The following GABRG3 variants were observed in gnomAD, a reference collection of about 807,000 sequenced individuals.
GABRG3 encodes gamma-aminobutyric acid receptor subunit gamma-3.
GABRG3 carries 25 observed loss-of-function variants against 48.8 expected under a neutral mutation model. That is an observed-to-expected ratio of 0.51 (90% CI 0.37 to 0.72). GABRG3 has a LOEUF of 0.72. GABRG3 is among the 30% of genes least tolerant of loss of function. The probability of loss-of-function intolerance (pLI) is 0.00; values close to 1 mark genes in which losing one functional copy is unlikely to be tolerated. For missense variants in GABRG3, 394 were observed against 577.9 expected, an observed-to-expected ratio of 0.68 and a Z score of 3.26; for synonymous variants, 227 against 217.6, an observed-to-expected ratio of 1.04 and a Z score of -0.38.
intron 3 of GABRG3, among the ~76,000 whole-genome samples, chr15:27,254,458 C>T (rs1348818791): frequency 2.0e-5 from 3 of 152,022 alleles, no homozygotes; most frequent in Non-Finnish European, 2.9e-5. Context: ...TTGTCTTAGT[C>T]TTTTGGGCTG....
At chr15:27,114,259 C>T (rs988697036) in intron 3 of GABRG3, among the ~76,000 whole-genome samples, 1 of 152,154 alleles carries the variant, frequency 6.6e-6, no homozygotes, top group Non-Finnish European at 1.5e-5. Context: ...TTCCAGATCC[C>T]CTGGGGGTAC....
chr15:27,318,385 C>A (rs1893304164), intron 3 of GABRG3, among the ~76,000 whole-genome samples: 1 of 152,044 alleles, frequency 6.6e-6, no homozygotes, highest in South Asian at 2.1e-4. Context: ...ACTAAGGGTC[C>A]CCTCAGATGG....
intron 5 of GABRG3, among the ~76,000 whole-genome samples, chr15:27,359,567 A>G (rs1195444115): frequency 6.6e-6 from 1 of 152,250 alleles, no homozygotes; most frequent in Non-Finnish European, 1.5e-5. Context: ...TTTGAAGCTA[A>G]GGAAACAAAC....
intron 3 of GABRG3, among the ~76,000 whole-genome samples, chr15:27,038,846 G>A (rs1039751398): frequency 6.6e-6 from 1 of 152,154 alleles, no homozygotes; most frequent in Non-Finnish European, 1.5e-5. Context: ...GCAAAGAACT[G>A]TCAGGAAGAA....
chr15:27,005,463 T>C (rs2140661959), intron 2 of GABRG3, among the ~76,000 whole-genome samples: 1 of 152,338 alleles, frequency 6.6e-6, no homozygotes, highest in East Asian at 1.9e-4. Context: ...AAAAAGAAAT[T>C]GTGAGACCTT....
intron 3 of GABRG3, among the ~76,000 whole-genome samples, chr15:27,283,333 G>A (rs527805470): frequency 1.3e-5 from 2 of 152,328 alleles, no homozygotes; most frequent in East Asian, 1.9e-4. Flanking sequence ...GCCGGGCACG[G>A]TGGCTCATGC....
chr15:26,977,267 T>G (rs1406232474), intron 2 of GABRG3, 117 bp downstream of exon 2: 5 of 1,070,198 alleles, frequency 4.7e-6, no homozygotes, highest in Non-Finnish European at 6.8e-6. Flanking sequence ...AAAGGTTTCC[T>G]GTACTTGTCA....
chr15:27,195,245 A>G (rs543171126), intron 3 of GABRG3, among the ~76,000 whole-genome samples: 6 of 152,304 alleles, frequency 3.9e-5, no homozygotes, highest in South Asian at 2.1e-4. Flanking sequence ...GCATCTGTCA[A>G]TCTTCTTTTC....
chr15:27,315,232 C>T (rs1893171803), intron 3 of GABRG3, among the ~76,000 whole-genome samples: 1 of 152,158 alleles, frequency 6.6e-6, no homozygotes. Flanking sequence ...TAAGTGATAA[C>T]AGATTAGCAT....
chr15:27,370,167 C>T (rs546419623), intron 5 of GABRG3, among the ~76,000 whole-genome samples: 219 of 152,340 alleles, frequency 1.4e-3, no homozygotes, highest in Middle Eastern at 6.8e-3. Context: ...CACTTATCAT[C>T]TCAGGTCCTC....
intron 3 of GABRG3, among the ~76,000 whole-genome samples, chr15:27,237,698 T>C (rs559440180): frequency 2.0e-5 from 3 of 152,368 alleles, no homozygotes; most frequent in African/African-American, 4.8e-5. Context: ...CAAATCAGCT[T>C]AATAAGTTAC....
chr15:27,076,335 T>G (rs1896909718), intron 3 of GABRG3, among the ~76,000 whole-genome samples: 1 of 147,412 alleles, frequency 6.8e-6, no homozygotes, highest in African/African-American at 2.5e-5. Context: ...TTTTTTTTTT[T>G]TTTTTTGAGA....
intron 2 of GABRG3, among the ~76,000 whole-genome samples, chr15:27,013,704 TC>T (rs1443977180): frequency 2.0e-5 from 3 of 152,180 alleles, no homozygotes; most frequent in Admixed American, 6.5e-5. Flanking sequence ...CTATGGGCTC[TC>T]TATTCTGTTC....
intron 3 of GABRG3, among the ~76,000 whole-genome samples, chr15:27,083,346 T>TTA: frequency 8.9e-5 from 1 of 11,230 alleles, no homozygotes; most frequent in Admixed American, 6.7e-4. Flanking sequence ...GAGCTATTGA[T>TTA]TTTTTTTTTT....
rs763692597 is a variant in GABRG3, at chr15:27,538,880, A to G, written c.*5999A>G. Reference sequence around the variant, plus strand: ...TATGTACCCAACACATCCAATTTGTATTTTCTTAAATATGTGTTTCTTAGG... The same window carrying G: ...TATGTACCCAACACATCCAATTTGTGTTTTCTTAAATATGTGTTTCTTAGG... On this transcript the variant is annotated 3_prime_UTR_variant, in exon 10 of 10. Coordinates refer to ENST00000615808, the MANE Select transcript of GABRG3 (RefSeq NM_033223.5). The G allele has an allele frequency of 1.3e-5, 2 of 152,082 alleles. No homozygotes were observed. Among genetic ancestry groups the G allele is most frequent in the Non-Finnish European group, 2.9e-5 (2 of 68,012 alleles). The allele number at this position is 152,082 out of a possible 1,614,324, so 9.4% of individuals were successfully genotyped here. A position where few individuals can be genotyped will look rare whatever the true frequency, so the allele number is the denominator to read the frequency against.
intron 5 of GABRG3, among the ~76,000 whole-genome samples, chr15:27,332,838 T>C (rs1293588309): frequency 6.6e-6 from 1 of 152,234 alleles, no homozygotes; most frequent in African/African-American, 2.4e-5. Flanking sequence ...TGGTAACATT[T>C]ACTATATAAC....
rs1318968467 is a variant in GABRG3 at position 27,539,921 on chromosome 15, C to G, written c.*7040C>G. On this transcript the variant is annotated 3_prime_UTR_variant, in exon 10 of 10. Coordinates refer to ENST00000615808, the MANE Select transcript of GABRG3 (RefSeq NM_033223.5). ...TGCTCCCTCAAGTTCTAAATTGTCA[C>G]CAAATATGAAAGGTTTTTAGATGAA... is the stretch of plus-strand genomic sequence containing the variant. The G allele has an allele frequency of 3.3e-5, 5 of 152,308 alleles. No homozygotes were observed. Among genetic ancestry groups the G allele is most frequent in the Middle Eastern group, 3.4e-3 (1 of 294 alleles). 9.4% of individuals were successfully genotyped at this position (152,308 alleles called of 1,614,324 possible).
intron 3 of GABRG3, among the ~76,000 whole-genome samples, chr15:27,160,154 C>T (rs576657341): frequency 1.3e-5 from 2 of 152,286 alleles, no homozygotes; most frequent in East Asian, 1.9e-4. Flanking sequence ...GGAGAATATT[C>T]TCCAGGAATC....
At position 27,093,162 on chromosome 15, in the gene GABRG3, G is replaced by T. The variant is rs74517602; in HGVS notation, c.270+66341G>T. ...CTGAGGCTTGAAGCTAGTGAGGAAG[G>T]GAGTGTAAAAATGAGAACGGAACAG... On this transcript the variant is annotated intron_variant, in intron 3 of 9. Transcript: ENST00000615808. 2.2e-3 allele frequency among the ~76,000 whole-genome samples: 337 copies of T among 152,138 alleles called. 3 individuals are homozygous for T. Among genetic ancestry groups the T allele is most frequent in the East Asian group, 6.8e-3 (35 of 5,156 alleles).
Sources: gnomAD v4.1 joint callset for allele counts (sites outside exome capture counted in the v4.1 genomes callset) on GRCh38, gnomAD v4.1.1 for gene constraint, MANE v1.5 for transcripts, NCBI Gene and HGNC (gene_info 2026-07-23, HGNC 2026-07-21) for gene names.